UROS: variants seen among roughly 807,000 people sequenced by gnomAD.
UROS encodes the protein uroporphyrinogen III synthase.
A neutral mutation model predicts 33.0 loss-of-function variants in UROS; 18 were observed. That is an observed-to-expected ratio of 0.55 (90% CI 0.38 to 0.81). The LOEUF (loss-of-function observed/expected upper bound fraction) is 0.81, where lower values mean the gene tolerates loss of function less well. UROS is among the 30% of genes least tolerant of loss of function. The pLI, the probability that UROS is intolerant of heterozygous loss-of-function variation, is 0.00. For missense variants in UROS, 293 were observed against 314.9 expected (o/e 0.93, Z 0.53); for synonymous variants, 114 against 121.1 (o/e 0.94, Z 0.38).
At chr10:125,798,002 C>A in intron 7 of UROS, 63 bp downstream of exon 7, 2 of 1,592,486 alleles carry the variant, frequency 1.3e-6, no homozygotes, top group South Asian at 2.2e-5. Context: ...CCACTTCTAT[C>A]ACTGCAAAGG....
At chr10:125,822,640 C>T (rs1435870153) in intron 1 of UROS, among the ~76,000 whole-genome samples, 3 of 151,662 alleles carry the variant, frequency 2.0e-5, no homozygotes, top group African/African-American at 7.3e-5. Context: ...GTACTTTTAG[C>T]AGAGATGAGG....
chr10:125,786,278 C>CTTTT (rs751762144), downstream of UROS, among the ~76,000 whole-genome samples: 6 of 138,540 alleles, frequency 4.3e-5, no homozygotes, highest in African/African-American at 1.6e-4. Flanking sequence ...GCACATGAAC[C>CTTTT]TTTTTTTTTT....
At chr10:125,792,274 G>C (rs182192941) in intron 9 of UROS, 2 of 152,284 alleles carry the variant, frequency 1.3e-5, no homozygotes, top group East Asian at 3.9e-4. Flanking sequence ...TTTTTCACAG[G>C]AGCCTTTCAC....
chr10:125,805,374 G>A (rs1292926508), intron 6 of UROS, among the ~76,000 whole-genome samples: 2 of 152,234 alleles, frequency 1.3e-5, no homozygotes, highest in East Asian at 3.9e-4. Flanking sequence ...GCAGATGCCA[G>A]TCAGGCCTCT....
At chr10:125,805,987 C>T (rs1003161412) in intron 6 of UROS, among the ~76,000 whole-genome samples, 3 of 152,178 alleles carry the variant, frequency 2.0e-5, no homozygotes, top group Non-Finnish European at 4.4e-5. Flanking sequence ...ACTGCCGCCC[C>T]CAACCCAGAC....
chr10:125,795,015 G>T, intron 8 of UROS, 37 bp from the exon 9 acceptor site: 1 of 1,549,302 alleles, frequency 6.5e-7, no homozygotes, highest in Non-Finnish European at 8.9e-7. Context: ...TCCTTGCCAT[G>T]AGACTGAGGA....
intron 9 of UROS, chr10:125,794,182 A>AGT (rs1479528470): frequency 4.8e-6 from 1 of 209,604 alleles, no homozygotes; most frequent in Non-Finnish European, 8.3e-6. Flanking sequence ...TGACCTACAG[A>AGT]CAGGCCATAT....
intron 7 of UROS, among the ~76,000 whole-genome samples, chr10:125,796,577 G>A (rs1022187813): frequency 6.6e-6 from 1 of 152,204 alleles, no homozygotes; most frequent in African/African-American, 2.4e-5. Context: ...GGCAGCTCTT[G>A]GGAGAGGCCT....
At chr10:125,818,803 T>C (rs1853592472) in intron 1 of UROS, among the ~76,000 whole-genome samples, 1 of 152,148 alleles carries the variant, frequency 6.6e-6, no homozygotes, top group Non-Finnish European at 1.5e-5. Context: ...GGACTTTCTT[T>C]CCTGTAGTAG....
intron 1 of UROS, among the ~76,000 whole-genome samples, chr10:125,821,852 T>G (rs1853937942): frequency 6.6e-6 from 1 of 152,188 alleles, no homozygotes; most frequent in Admixed American, 6.5e-5. Flanking sequence ...CCATCAGATG[T>G]GGAGCGCTGA....
chr10:125,800,475 C>T (rs1278908951), intron 6 of UROS, among the ~76,000 whole-genome samples: 1 of 152,130 alleles, frequency 6.6e-6, no homozygotes, highest in Admixed American at 6.5e-5. Context: ...GCCTCATCAG[C>T]TCATGTGTGG....
chr10:125,789,835 C>T (rs1463849634), intron 9 of UROS, among the ~76,000 whole-genome samples: 1 of 152,244 alleles, frequency 6.6e-6, no homozygotes, highest in African/African-American at 2.4e-5. Context: ...CTTAGCCTCT[C>T]TGATCCTCAC....
At chr10:125,806,593 C>T (rs947581) in intron 6 of UROS, among the ~76,000 whole-genome samples, 117,639 of 152,240 alleles carry the variant, frequency 0.77, 45,773 homozygotes, top group South Asian at 0.8. Context: ...CTGCAAAGCC[C>T]AAAATATCCT....
In UROS at chr10:125,807,261, A is replaced by T. The variant is rs187449968; in HGVS notation, c.394+152T>A. 3.8e-4 allele frequency: 273 copies of T among 713,014 alleles called. 3 individuals carry two copies. In the East Asian group the frequency reaches 6.5e-3, roughly 17 times the overall value. 44.2% of individuals were successfully genotyped at this position (713,014 alleles called of 1,614,324 possible). A position where few individuals can be genotyped will look rare whatever the true frequency, so the allele number is the denominator to read the frequency against. ...CAAAGTATAGACATACACAAATACAAATAGGCTATGCTCCCAGAGTGGGTT... is the reference window on the plus strand; with the variant it reads ...CAAAGTATAGACATACACAAATACATATAGGCTATGCTCCCAGAGTGGGTT... On this transcript the variant is annotated intron_variant, in intron 6 of 9. Transcript: ENST00000368797.
intron 4 of UROS, among the ~76,000 whole-genome samples, chr10:125,812,768 C>T (rs1280473873): frequency 6.6e-6 from 1 of 152,032 alleles, no homozygotes; most frequent in African/African-American, 2.4e-5. Context: ...ATCCATTACA[C>T]CAAAGTAAAA....
intron 6 of UROS, chr10:125,802,977 G>A (rs756713284): frequency 2.5e-6 from 4 of 1,612,854 alleles, no homozygotes; most frequent in Non-Finnish European, 3.4e-6. Flanking sequence ...ATAAGGGCAC[G>A]TCCAAACCCA....
At chr10:125,819,066 C>A (rs928866670) in intron 1 of UROS, among the ~76,000 whole-genome samples, 3 of 152,134 alleles carry the variant, frequency 2.0e-5, no homozygotes, top group African/African-American at 7.2e-5. Context: ...CTCACTGCAA[C>A]CTCCGCCTCC....
intron 6 of UROS, 53 bp downstream of exon 6, chr10:125,807,360 T>C: frequency 2.0e-6 from 3 of 1,483,430 alleles, no homozygotes; most frequent in South Asian, 2.3e-5. Context: ...GTAGTGGTTG[T>C]GAGGTCAACA....
At chr10:125,795,129 G>A in intron 8 of UROS, 151 bp from the exon 9 acceptor site, 1 of 714,986 alleles carries the variant, frequency 1.4e-6, no homozygotes, top group Non-Finnish European at 2.5e-6. Context: ...GGCATCCTCT[G>A]CTCCAGTGAG....
Sources: gnomAD v4.1 joint callset for allele counts (sites outside exome capture counted in the v4.1 genomes callset) on GRCh38, gnomAD v4.1.1 for gene constraint, MANE v1.5 for transcripts, NCBI Gene and HGNC (gene_info 2026-07-23, HGNC 2026-07-21) for gene names.